The following FUT9 variants were observed in gnomAD, a reference collection of about 807,000 sequenced individuals.
FUT9 encodes the protein 4-galactosyl-N-acetylglucosaminide 3-alpha-L-fucosyltransferase 9.
A neutral mutation model predicts 29.7 loss-of-function variants in FUT9; 15 were observed. The observed-to-expected ratio is 0.51, with a 90% CI of 0.34 to 0.78. The LOEUF is 0.78. FUT9 is among the 30% of genes least tolerant of loss of function. The pLI is 0.01. For synonymous variants in FUT9, 169 were observed against 153.7 expected (o/e 1.10, Z -0.74); for missense variants, 319 against 425.4 (o/e 0.75, Z 2.20).
chr6:96,063,714 G>T (rs1209042850), intron 1 of FUT9, among the ~76,000 whole-genome samples: 2 of 152,138 alleles, frequency 1.3e-5, no homozygotes, highest in East Asian at 3.9e-4. Flanking sequence ...GATGGATAAA[G>T]TTACTGGATC....
chr6:96,081,250 C>A (rs1432814638), intron 1 of FUT9, among the ~76,000 whole-genome samples: 1 of 150,756 alleles, frequency 6.6e-6, no homozygotes, highest in Non-Finnish European at 1.5e-5. Context: ...AAATTGCCAT[C>A]CATTTCTTGC....
chr6:96,180,322 T>C (rs1773281725), intron 2 of FUT9, among the ~76,000 whole-genome samples: 1 of 151,972 alleles, frequency 6.6e-6, no homozygotes, highest in South Asian at 2.1e-4. Flanking sequence ...ACATGGAAGG[T>C]TGGGGATGTT....
intron 2 of FUT9, among the ~76,000 whole-genome samples, chr6:96,164,748 A>G (rs1389961151): frequency 6.6e-6 from 1 of 152,170 alleles, no homozygotes; most frequent in East Asian, 1.9e-4. Context: ...TTTCTGGTTT[A>G]TTTTAGAATG....
chr6:96,058,527 G>GCTCCCCAT, intron 1 of FUT9, among the ~76,000 whole-genome samples: 1 of 145,490 alleles, frequency 6.9e-6, no homozygotes, highest in Non-Finnish European at 1.5e-5. Flanking sequence ...GAACACTTTG[G>GCTCCCCAT]AAATCCCTTT....
At chr6:96,112,720 C>T (rs539877829) in intron 1 of FUT9, among the ~76,000 whole-genome samples, 1 of 152,188 alleles carries the variant, frequency 6.6e-6, no homozygotes, top group South Asian at 2.1e-4. Flanking sequence ...CAAGTATTTT[C>T]GGTTAGTTCT....
rs139251186 is a variant in FUT9 at position 96,122,210 on chromosome 6, G to A, written c.-9+8083G>A. 5.5e-4 allele frequency among the ~76,000 whole-genome samples: 84 copies of A among 152,256 alleles called. No homozygotes were observed. In the Middle Eastern group the frequency reaches 0.01, roughly 18 times the overall value. On this transcript the variant is annotated intron_variant, in intron 2 of 2. Transcript: ENST00000302103. ...CAGGTCAAAGCAATCAGAGAAAAAG[G>A]AACATTTATGGTAGTTAACACATGA...
chr6:96,059,400 G>A (rs1045636990), intron 1 of FUT9, among the ~76,000 whole-genome samples: 2 of 152,148 alleles, frequency 1.3e-5, no homozygotes, highest in Non-Finnish European at 2.9e-5. Context: ...GTGCACACCT[G>A]CATACACACA....
At chr6:96,126,880 C>T (rs1386583003) in intron 2 of FUT9, among the ~76,000 whole-genome samples, 1 of 152,078 alleles carries the variant, frequency 6.6e-6, no homozygotes, top group African/African-American at 2.4e-5. Flanking sequence ...GGAAATGAGC[C>T]ATCTGTAATA....
At chr6:96,030,467 A>G (rs1041571191) in intron 1 of FUT9, among the ~76,000 whole-genome samples, 2 of 151,522 alleles carry the variant, frequency 1.3e-5, no homozygotes, top group Non-Finnish European at 3.0e-5. Context: ...AAACAAAATC[A>G]TGACCTTACC....
chr6:96,155,784 C>T (rs1265512027), intron 2 of FUT9, among the ~76,000 whole-genome samples: 1 of 152,136 alleles, frequency 6.6e-6, no homozygotes, highest in African/African-American at 2.4e-5. Context: ...AATAGGGCAG[C>T]CATCTGCAAG....
At chr6:96,165,723 C>T (rs9390960) in intron 2 of FUT9, among the ~76,000 whole-genome samples, 14,999 of 152,016 alleles carry the variant, frequency 0.099, 1,095 homozygotes, top group Admixed American at 0.21. Context: ...TCAAGCCATT[C>T]TTGTGCCTCA....
At chr6:96,071,663 A>C (rs2127947613) in intron 1 of FUT9, among the ~76,000 whole-genome samples, 1 of 152,360 alleles carries the variant, frequency 6.6e-6, no homozygotes, top group South Asian at 2.1e-4. Flanking sequence ...ACATCAACAA[A>C]GGAGCAAGAC....
intron 1 of FUT9, among the ~76,000 whole-genome samples, chr6:96,101,574 C>T (rs961008194): frequency 6.6e-6 from 1 of 151,638 alleles, no homozygotes; most frequent in African/African-American, 2.4e-5. Flanking sequence ...TAAAAATGTA[C>T]ATTTTACCCT....
chr6:96,161,883 T>G (rs1226252977), intron 2 of FUT9, among the ~76,000 whole-genome samples: 1 of 152,230 alleles, frequency 6.6e-6, no homozygotes, highest in Non-Finnish European at 1.5e-5. Context: ...GGATTTTGAC[T>G]TCTTTCCTCT....
chr6:96,138,616 C>A (rs1022849462), intron 2 of FUT9, among the ~76,000 whole-genome samples: 2 of 152,034 alleles, frequency 1.3e-5, no homozygotes, highest in Non-Finnish European at 2.9e-5. Context: ...AATTAACAGT[C>A]TGAAATTATA....
intron 2 of FUT9, among the ~76,000 whole-genome samples, chr6:96,153,735 G>T (rs957285129): frequency 3.3e-5 from 5 of 152,148 alleles, no homozygotes; most frequent in Admixed American, 6.5e-5. Context: ...ACTTTGTCAT[G>T]AATCTCACCT....
chr6:96,170,610 G>A (rs187980778), intron 2 of FUT9, among the ~76,000 whole-genome samples: 123 of 151,822 alleles, frequency 8.1e-4, no homozygotes, highest in African/African-American at 2.8e-3. Flanking sequence ...TAATGTTACT[G>A]TCACTTAGAA....
intron 1 of FUT9, among the ~76,000 whole-genome samples, chr6:96,094,421 A>T (rs574234162): frequency 6.6e-6 from 1 of 152,174 alleles, no homozygotes; most frequent in Non-Finnish European, 1.5e-5. Context: ...GAACACATAA[A>T]GCACTTTCTT....
intron 1 of FUT9, among the ~76,000 whole-genome samples, chr6:96,068,819 A>T (rs184992498): frequency 4.6e-5 from 7 of 152,198 alleles, no homozygotes; most frequent in African/African-American, 1.2e-4. Flanking sequence ...AATTTTGTCC[A>T]TGGGCTGAGG....
Sources: gnomAD v4.1 joint callset for allele counts (sites outside exome capture counted in the v4.1 genomes callset) on GRCh38, gnomAD v4.1.1 for gene constraint, MANE v1.5 for transcripts, NCBI Gene and HGNC (gene_info 2026-07-23, HGNC 2026-07-21) for gene names.